The following ANKRD44 variants were observed in gnomAD, a reference collection of about 807,000 sequenced individuals.
The protein encoded by ANKRD44 is ankyrin repeat domain 44.
ANKRD44 carries 35 observed loss-of-function variants against 116.0 expected under a neutral mutation model. That is an observed-to-expected ratio of 0.30 (90% CI 0.23 to 0.40). The LOEUF is 0.40. Ranked by LOEUF, ANKRD44 falls within the 10% of genes least tolerant of loss-of-function variation. The probability of loss-of-function intolerance (pLI) is 1.00; values close to 1 mark genes in which losing one functional copy is unlikely to be tolerated. For synonymous variants in ANKRD44, 435 were observed against 461.8 expected, an observed-to-expected ratio of 0.94 and a Z score of 0.74; for missense variants, 1,014 against 1,242.6, an observed-to-expected ratio of 0.82 and a Z score of 2.77.
At chr2:197,281,602 A>T (rs2083267225) in intron 1 of ANKRD44, among the ~76,000 whole-genome samples, 1 of 152,190 alleles carries the variant, frequency 6.6e-6, no homozygotes, top group Non-Finnish European at 1.5e-5. Flanking sequence ...ACCTCTTTTG[A>T]TGAATCTATC....
intron 16 of ANKRD44, among the ~76,000 whole-genome samples, chr2:197,056,396 A>G (rs2077204027): frequency 1.3e-5 from 2 of 152,188 alleles, no homozygotes; most frequent in Non-Finnish European, 2.9e-5. Context: ...ACGTATTGAA[A>G]CAGAGTTACT....
intron 1 of ANKRD44, among the ~76,000 whole-genome samples, chr2:197,210,173 G>T (rs2081294017): frequency 6.6e-6 from 1 of 152,196 alleles, no homozygotes; most frequent in Non-Finnish European, 1.5e-5. Flanking sequence ...AGAGGAAGTT[G>T]GGTGTTTCGA....
chr2:197,164,617 C>G (rs1333286185), intron 2 of ANKRD44, among the ~76,000 whole-genome samples: 3 of 152,162 alleles, frequency 2.0e-5, no homozygotes, highest in East Asian at 3.9e-4. Flanking sequence ...GCGGGGTTCC[C>G]GCGCCCCAAC....
At chr2:197,000,991 T>C (rs576858902) in intron 22 of ANKRD44, among the ~76,000 whole-genome samples, 1 of 152,346 alleles carries the variant, frequency 6.6e-6, no homozygotes, top group East Asian at 1.9e-4. Flanking sequence ...TGAGCCGAGA[T>C]TGTGCCACTG....
chr2:197,237,899 C>T (rs761513233), intron 1 of ANKRD44, among the ~76,000 whole-genome samples: 2 of 152,222 alleles, frequency 1.3e-5, no homozygotes, highest in Non-Finnish European at 2.9e-5. Flanking sequence ...CCTTCCACTC[C>T]TGAAAATGCT....
intron 24 of ANKRD44, 137 bp downstream of exon 24, chr2:196,998,770 G>C (rs963285435): frequency 8.4e-7 from 1 of 1,195,842 alleles, no homozygotes; most frequent in East Asian, 2.5e-5. Context: ...TGAGCAGGTA[G>C]AATCAGGTGA....
rs779418087 is a variant in ANKRD44, at chr2:197,122,632, G to A, written c.693+18C>T. 1.9e-6 allele frequency: 3 copies of A among 1,609,862 alleles called. No homozygotes were observed. Among genetic ancestry groups the A allele is most frequent in the South Asian group, 1.1e-5 (1 of 90,232 alleles). The stretch of plus-strand genomic sequence containing the variant: ...ACAAATACACTGGCCATGCATTGAT[G>A]CATTCATCATAGCTCACCTCCACCC... On this transcript the variant is annotated intron_variant, in intron 7 of 27. Transcript: ENST00000282272.
At chr2:197,068,898 C>T (rs919928861) in intron 16 of ANKRD44, among the ~76,000 whole-genome samples, 7 of 152,114 alleles carry the variant, frequency 4.6e-5, no homozygotes, top group African/African-American at 1.7e-4. Flanking sequence ...GGCGATTCCT[C>T]GAGGATCTAG....
intron 9 of ANKRD44, among the ~76,000 whole-genome samples, chr2:197,101,155 G>A (rs2078284108): frequency 6.6e-6 from 1 of 151,752 alleles, no homozygotes; most frequent in Non-Finnish European, 1.5e-5. Context: ...TTTAATCCAG[G>A]ATCCAATCAA....
intron 16 of ANKRD44, among the ~76,000 whole-genome samples, chr2:197,056,966 G>A (rs1031475524): frequency 2.0e-5 from 3 of 152,056 alleles, no homozygotes; most frequent in Non-Finnish European, 2.9e-5. Flanking sequence ...CATTATTGGC[G>A]GGCCATTCTG....
chr2:197,105,174 T>C (rs2078395872), intron 9 of ANKRD44, among the ~76,000 whole-genome samples: 1 of 152,082 alleles, frequency 6.6e-6, no homozygotes, highest in African/African-American at 2.4e-5. Flanking sequence ...AGTTCAGTGG[T>C]GTAATCTCGG....
At chr2:197,075,017 T>C (rs2077636291) in intron 16 of ANKRD44, among the ~76,000 whole-genome samples, 1 of 152,116 alleles carries the variant, frequency 6.6e-6, no homozygotes, top group South Asian at 2.1e-4. Flanking sequence ...ATTCTCACAG[T>C]TGAAGTTCAA....
chr2:197,113,347 C>A (rs1324504560), intron 8 of ANKRD44, among the ~76,000 whole-genome samples: 1 of 152,134 alleles, frequency 6.6e-6, no homozygotes, highest in Non-Finnish European at 1.5e-5. Flanking sequence ...GATGACACTT[C>A]AAAATAACTA....
intron 1 of ANKRD44, among the ~76,000 whole-genome samples, chr2:197,207,266 G>A (rs918881069): frequency 1.2e-4 from 19 of 152,106 alleles, no homozygotes; most frequent in Non-Finnish European, 1.2e-4. Context: ...ACTCCATTCA[G>A]GTTGCAGTCC....
At chr2:197,173,262 G>T (rs1388280842) in intron 2 of ANKRD44, among the ~76,000 whole-genome samples, 3 of 152,128 alleles carry the variant, frequency 2.0e-5, no homozygotes, top group Non-Finnish European at 4.4e-5. Context: ...AAAATTATGG[G>T]TGGTAAAATC....
chr2:197,122,890 C>A, intron 6 of ANKRD44, 98 bp from the exon 7 acceptor site: 1 of 1,407,918 alleles, frequency 7.1e-7, no homozygotes, highest in Non-Finnish European at 9.5e-7. Context: ...TCATCGCCAC[C>A]AGTATTTTGC....
chr2:197,162,215 A>C (rs891835987), intron 2 of ANKRD44, among the ~76,000 whole-genome samples: 2 of 152,200 alleles, frequency 1.3e-5, no homozygotes, highest in Non-Finnish European at 2.9e-5. Flanking sequence ...CACCCCCAAG[A>C]TGATATGCTT....
At chr2:197,110,953 T>C in intron 8 of ANKRD44, 109 bp from the exon 9 acceptor site, 5 of 757,434 alleles carry the variant, frequency 6.6e-6, no homozygotes, top group Middle Eastern at 2.3e-4. Context: ...AACATTCATT[T>C]ATTTATTTAT....
intron 9 of ANKRD44, among the ~76,000 whole-genome samples, chr2:197,105,471 T>C (rs2078403966): frequency 1.3e-5 from 2 of 152,166 alleles, no homozygotes; most frequent in Admixed American, 6.5e-5. Flanking sequence ...AAAGTAATAA[T>C]TAAATATCTT....
Sources: allele counts gnomAD v4.1 joint callset (sites outside exome capture counted in the v4.1 genomes callset), GRCh38; gene constraint gnomAD v4.1.1; transcripts MANE v1.5; gene names NCBI Gene and HGNC (gene_info 2026-07-23, HGNC 2026-07-21).